The following GSG1L variants were observed in gnomAD, a reference collection of about 807,000 sequenced individuals.
GSG1L encodes the protein GSG1 like, also known as germ cell-specific gene 1-like protein.
Under a neutral mutation model 42.1 loss-of-function variants are expected in GSG1L, and 24 were observed. That is an observed-to-expected ratio of 0.57 (90% confidence interval 0.41 to 0.80). The LOEUF (loss-of-function observed/expected upper bound fraction) is 0.80. Among genes scored for constraint, GSG1L ranks in the 30% least tolerant of loss-of-function variants. The pLI, the probability that GSG1L is intolerant of heterozygous loss-of-function variation, is 0.00. For synonymous variants in GSG1L, 215 were observed against 203.5 expected, an observed-to-expected ratio of 1.06 and a Z score of -0.48; for missense variants, 445 against 472.2, an observed-to-expected ratio of 0.94 and a Z score of 0.53.
rs2082736511 is a variant in GSG1L at position 27,790,186 on chromosome 16, G to A, written c.*1184C>T. ...GAATGATGGATGGATAATAGATGAT[G>A]AATGGGTGGATAATAGATGGACGAA... is the stretch of plus-strand genomic sequence containing the variant. On this transcript the variant is annotated 3_prime_UTR_variant, in exon 7 of 7. Transcript: ENST00000447459. 2.0e-5 allele frequency: 3 copies of A among 151,874 alleles called. No homozygotes were observed. The highest frequency in any genetic ancestry group is 2.0e-4 in the Admixed American group (3 of 15,262). 9.4% of individuals were successfully genotyped at this position (151,874 alleles called of 1,614,324 possible).
At chr16:27,844,848 T>A in intron 4 of GSG1L, 102 bp downstream of exon 4, 1 of 135,610 alleles carries the variant, frequency 7.4e-6, no homozygotes, top group Admixed American at 8.1e-5. Flanking sequence ...CCATTTCTCC[T>A]CCCCCCCACC....
chr16:27,804,051 A>ATAGATAGATAGT (rs1302314988), intron 6 of GSG1L, among the ~76,000 whole-genome samples: 5 of 140,792 alleles, frequency 3.6e-5, no homozygotes, highest in African/African-American at 8.9e-5. Context: ...AGATAGATAG[A>ATAGATAGATAGT]TAGATAGATA....
At chr16:27,936,588 C>G (rs182621505) in intron 2 of GSG1L, among the ~76,000 whole-genome samples, 1 of 152,286 alleles carries the variant, frequency 6.6e-6, no homozygotes, top group Non-Finnish European at 1.5e-5. Context: ...CCTGCAGAAC[C>G]ATGAGCCAAA....
chr16:27,903,742 T>C (rs1286582861), intron 2 of GSG1L, among the ~76,000 whole-genome samples: 2 of 151,772 alleles, frequency 1.3e-5, no homozygotes, highest in Non-Finnish European at 2.9e-5. Context: ...GCGGACAGAG[T>C]GCAGTATCCT....
At chr16:27,837,853 C>CTTTTTTTTTTTT (rs199778968) in intron 4 of GSG1L, among the ~76,000 whole-genome samples, 1 of 141,128 alleles carries the variant, frequency 7.1e-6, no homozygotes. Context: ...TTAGTTGGGC[C>CTTTTTTTTTTTT]TTTTTTTTTT....
At chr16:27,929,403 G>A (rs192202710) in intron 2 of GSG1L, among the ~76,000 whole-genome samples, 31 of 152,280 alleles carry the variant, frequency 2.0e-4, no homozygotes, top group African/African-American at 6.7e-4. Flanking sequence ...CAAGAAGGGC[G>A]TGTAACCCAA....
intron 2 of GSG1L, among the ~76,000 whole-genome samples, chr16:27,903,115 G>A (rs1038702719): frequency 1.3e-5 from 2 of 152,130 alleles, no homozygotes; most frequent in Admixed American, 6.5e-5. Flanking sequence ...GGTCTTGAAG[G>A]ACAAGGGGGA....
rs758570215 is a variant in GSG1L at position 27,816,576 on chromosome 16, T to G, written c.831-9022A>C. On this transcript the variant is annotated intron_variant, in intron 5 of 6. Coordinates refer to ENST00000447459, the MANE Select transcript of GSG1L (RefSeq NM_001109763.2). ...GATTTGTAACTTTTGCCCAGTTTCT[T>G]GGTAGCCTGGCTGTCCAATACAAAA... 4.0e-4 allele frequency among the ~76,000 whole-genome samples: 61 copies of G among 152,214 alleles called. 1 individual carries two copies. The highest frequency in any genetic ancestry group is 7.1e-4 in the Non-Finnish European group (48 of 68,036).
At chr16:27,792,708 G>A (rs890258429) in intron 6 of GSG1L, among the ~76,000 whole-genome samples, 4 of 152,166 alleles carry the variant, frequency 2.6e-5, no homozygotes, top group African/African-American at 7.2e-5. Context: ...CAAGCCCAGG[G>A]GAGCAATGAC....
intron 1 of GSG1L, among the ~76,000 whole-genome samples, chr16:28,013,028 C>T (rs2085740678): frequency 6.6e-6 from 1 of 151,818 alleles, no homozygotes. Flanking sequence ...AGTTCGAGAC[C>T]AGCCTGACCA....
chr16:27,889,280 G>A (rs571561655), intron 2 of GSG1L, among the ~76,000 whole-genome samples: 84 of 152,232 alleles, frequency 5.5e-4, no homozygotes, highest in African/African-American at 1.7e-3. Context: ...GTGCCCAGCC[G>A]AGTTGTGCTT....
At chr16:27,802,048 C>G (rs113395414) in intron 6 of GSG1L, among the ~76,000 whole-genome samples, 1 of 152,060 alleles carries the variant, frequency 6.6e-6, no homozygotes, top group African/African-American at 2.4e-5. Context: ...CTAAGTCCCC[C>G]CTTCCTGCTT....
chr16:27,789,581 G>A lies in GSG1L; in HGVS notation c.*1789C>T, dbSNP rs2144374732. On this transcript the variant is annotated 3_prime_UTR_variant, in exon 7 of 7. Transcript: ENST00000447459. Reference sequence around the variant, plus strand: ...ATGCATAATGGTTGAATGGATAAGGGATGAATGGATGATGGATAGATGGAG... The same window carrying A: ...ATGCATAATGGTTGAATGGATAAGGAATGAATGGATGATGGATAGATGGAG... 6.6e-6 allele frequency: 1 copy of A among 152,220 alleles called. No homozygotes were observed. The highest frequency in any genetic ancestry group is 2.1e-4 in the South Asian group (1 of 4,810). 9.4% of individuals were successfully genotyped at this position (152,220 alleles called of 1,614,324 possible). A position where few individuals can be genotyped will look rare whatever the true frequency, so the allele number is the denominator to read the frequency against.
At chr16:27,938,137 T>C (rs1189157984) in intron 2 of GSG1L, among the ~76,000 whole-genome samples, 1 of 152,084 alleles carries the variant, frequency 6.6e-6, no homozygotes, top group African/African-American at 2.4e-5. Context: ...GAGGCGCCCC[T>C]TGGGGCTGTG....
chr16:27,999,515 C>T (rs979888548), intron 1 of GSG1L, among the ~76,000 whole-genome samples: 10 of 152,216 alleles, frequency 6.6e-5, no homozygotes, highest in African/African-American at 4.8e-5. Flanking sequence ...TGTTATTCCA[C>T]ATCCCTGGCC....
At position 28,005,614 on chromosome 16, in the gene GSG1L, G is replaced by A. The variant is rs1424298465; in HGVS notation, c.350-42411C>T. Among the ~76,000 whole-genome samples, 3 of 140,348 alleles carry A rather than the reference G, an allele frequency of 2.1e-5. No individual in the cohort carries two copies. In the East Asian group the frequency reaches 6.1e-4, roughly 28 times the overall value. The allele number at this position is 140,348 out of a possible 152,430, so 92.1% of individuals were successfully genotyped here. On this transcript the variant is annotated intron_variant, in intron 1 of 6. Coordinates refer to ENST00000447459, the MANE Select transcript of GSG1L (RefSeq NM_001109763.2). The stretch of plus-strand genomic sequence containing the variant: ...ACTGGGGGTTAGGAGTTCAACGTAT[G>A]AATGGTGGGGGGGGAGGGGCATAAT...
At chr16:27,799,315 C>T (rs1302609983) in intron 6 of GSG1L, among the ~76,000 whole-genome samples, 1 of 150,950 alleles carries the variant, frequency 6.6e-6, no homozygotes, top group Non-Finnish European at 1.5e-5. Context: ...AGGATTATTA[C>T]TTGAGGCCAG....
chr16:27,792,772 G>A (rs1290330015), intron 6 of GSG1L, among the ~76,000 whole-genome samples: 1 of 152,188 alleles, frequency 6.6e-6, no homozygotes, highest in Non-Finnish European at 1.5e-5. Flanking sequence ...GCTGGAAGGT[G>A]CAAAACTAAG....
chr16:27,808,117 C>T (rs967962479), intron 5 of GSG1L, among the ~76,000 whole-genome samples: 1 of 151,632 alleles, frequency 6.6e-6, no homozygotes, highest in Non-Finnish European at 1.5e-5. Context: ...CAAGGTCTCA[C>T]TCTGTCGCCC....
Sources: allele counts gnomAD v4.1 joint callset (sites outside exome capture counted in the v4.1 genomes callset), GRCh38; gene constraint gnomAD v4.1.1; transcripts MANE v1.5; gene names NCBI Gene and HGNC (gene_info 2026-07-23, HGNC 2026-07-21).